Variants in PLGRKT observed in about 807,000 individuals in gnomAD.
PLGRKT encodes the protein plasminogen receptor (KT).
PLGRKT carries 22 observed loss-of-function variants against 18.5 expected under a neutral mutation model. The ratio of observed to expected loss-of-function variants is 1.19; its 90% CI spans 0.85 to 1.70. The LOEUF (loss-of-function observed/expected upper bound fraction) is 1.70. Ranked by LOEUF, PLGRKT falls within the 40% of genes most tolerant of loss-of-function variation. PLGRKT has a pLI of 0.00. For synonymous variants in PLGRKT, 72 were observed against 52.8 expected, an observed-to-expected ratio of 1.36 and a Z score of -1.58; for missense variants, 235 against 174.4, an observed-to-expected ratio of 1.35 and a Z score of -1.96.
In PLGRKT at chr9:5,419,358, G is replaced by C. The variant is rs76073444; in HGVS notation, c.81+12539C>G. Among the ~76,000 whole-genome samples the C allele has an allele frequency of 5.5e-3, 831 of 152,308 alleles. 9 individuals are homozygous for C. Among genetic ancestry groups the C allele is most frequent in the African/African-American group, 0.019 (797 of 41,570 alleles). ...CATCAAGTGGAAATGGTACGTGTTT[G>C]GGAGGCAAGAGCCAGGAAGCACAAT... On this transcript the variant is annotated intron_variant, in intron 3 of 5. Coordinates refer to ENST00000223864, the MANE Select transcript of PLGRKT (RefSeq NM_018465.4).
chr9:5,420,568 T>A (rs1417542428), intron 3 of PLGRKT, among the ~76,000 whole-genome samples: 1 of 151,902 alleles, frequency 6.6e-6, no homozygotes, highest in Non-Finnish European at 1.5e-5. Flanking sequence ...GTCATGCATG[T>A]ACACCCACTC....
chr9:5,418,652 G>A lies in PLGRKT; in HGVS notation c.81+13245C>T, dbSNP rs1228513010. ...CTCATATCTCCGGGCAGCAGCGCGT[G>A]CTCCTTGGAGATGGGCAGGGGCAGC... On this transcript the variant is annotated intron_variant, in intron 3 of 5. Transcript: ENST00000223864. The surrounding 1 kb of genome is among the most constrained non-coding windows in gnomAD (Gnocchi z 4.2). 5.8e-6 allele frequency: 4 copies of A among 686,510 alleles called. No homozygotes were observed. In the Admixed American group the frequency reaches 7.9e-5, roughly 14 times the overall value. 42.5% of individuals were successfully genotyped at this position (686,510 alleles called of 1,614,324 possible). A position where few individuals can be genotyped will look rare whatever the true frequency, so the allele number is the denominator to read the frequency against.
In PLGRKT at chr9:5,410,399, A is replaced by G. The variant is rs143486569; in HGVS notation, c.81+21498T>C. Among the ~76,000 whole-genome samples, 1,235 of 151,734 alleles carry G rather than the reference A, an allele frequency of 8.1e-3. 17 individuals are homozygous for G. The highest frequency in any genetic ancestry group is 0.029 in the African/African-American group (1,194 of 41,380). ...TAAAAAAAAGTTCAAAAATTAGCTG[A>G]CATGCTCACTTGAACCCAGGAGGCA... On this transcript the variant is annotated intron_variant, in intron 3 of 5. Coordinates refer to ENST00000223864, the MANE Select transcript of PLGRKT (RefSeq NM_018465.4).
At chr9:5,419,011 G>C (rs1032841323) in intron 3 of PLGRKT, 5 of 538,138 alleles carry the variant, frequency 9.3e-6, no homozygotes, top group Middle Eastern at 1.2e-3. Flanking sequence ...AGGCCAAGGG[G>C]AAGGGGAGGG....
intron 3 of PLGRKT, among the ~76,000 whole-genome samples, chr9:5,377,185 T>C (rs1420413844): frequency 6.6e-6 from 1 of 152,012 alleles, no homozygotes; most frequent in Non-Finnish European, 1.5e-5. Context: ...GGAAAGTGCT[T>C]AGACACACTG....
chr9:5,396,671 T>A (rs1233077981), intron 3 of PLGRKT, among the ~76,000 whole-genome samples: 4 of 151,976 alleles, frequency 2.6e-5, no homozygotes, highest in Non-Finnish European at 4.4e-5. Flanking sequence ...ACTCTTTATA[T>A]CCAGAAGGCA....
intron 3 of PLGRKT, among the ~76,000 whole-genome samples, chr9:5,412,826 G>C (rs1486102210): frequency 6.6e-6 from 1 of 152,034 alleles, no homozygotes; most frequent in Non-Finnish European, 1.5e-5. Flanking sequence ...CCGTAAACAA[G>C]TGACAATCTG....
intron 3 of PLGRKT, among the ~76,000 whole-genome samples, chr9:5,413,956 G>C (rs550931320): frequency 1.3e-4 from 20 of 152,226 alleles, no homozygotes; most frequent in African/African-American, 4.8e-4. Context: ...TCAATGATAT[G>C]CTACCCTTCA....
chr9:5,424,420 AAT>A (rs1818640729), intron 3 of PLGRKT, among the ~76,000 whole-genome samples: 3 of 120,796 alleles, frequency 2.5e-5, no homozygotes, highest in Non-Finnish European at 5.2e-5. Context: ...ATTAACATAT[AAT>A]ATATAACATA....
At chr9:5,362,528 G>A (rs544514004) in intron 3 of PLGRKT, among the ~76,000 whole-genome samples, 3 of 152,204 alleles carry the variant, frequency 2.0e-5, no homozygotes, top group Non-Finnish European at 4.4e-5. Flanking sequence ...AGAAGCAACT[G>A]TCTGTAAACC....
intron 2 of PLGRKT, among the ~76,000 whole-genome samples, chr9:5,433,437 G>C (rs1586750239): frequency 6.7e-6 from 1 of 150,304 alleles, no homozygotes. Context: ...TGGGAAGTGA[G>C]GAGTGCCTCT....
intron 3 of PLGRKT, among the ~76,000 whole-genome samples, chr9:5,402,498 A>C (rs539441494): frequency 2.8e-4 from 43 of 151,940 alleles, no homozygotes; most frequent in African/African-American, 1.0e-3. Flanking sequence ...ACCTAAACTC[A>C]CTGTCTCCCT....
chr9:5,403,852 C>T (rs1017998347), intron 3 of PLGRKT, among the ~76,000 whole-genome samples: 3 of 152,174 alleles, frequency 2.0e-5, no homozygotes, highest in Non-Finnish European at 4.4e-5. Context: ...TCTATGGCCT[C>T]TGCCTGTTCA....
chr9:5,385,394 C>G (rs745384556), intron 3 of PLGRKT, among the ~76,000 whole-genome samples: 3 of 151,684 alleles, frequency 2.0e-5, no homozygotes, highest in African/African-American at 7.3e-5. Context: ...GACATGGTTT[C>G]ACTGTGTTAG....
Position 5,418,646 on chromosome 9 carries a change from G to A in PLGRKT, c.81+13251C>T, listed in dbSNP as rs1719560714. 1.4e-6 allele frequency: 1 copy of A among 691,134 alleles called. No homozygotes were observed. Among genetic ancestry groups the A allele is most frequent in the South Asian group, 1.5e-5 (1 of 65,258 alleles). The allele number at this position is 691,134 out of a possible 1,614,324, so 42.8% of individuals were successfully genotyped here. ...TGGCGGCTCATATCTCCGGGCAGCA[G>A]CGCGTGCTCCTTGGAGATGGGCAGG... On this transcript the variant is annotated intron_variant, in intron 3 of 5. Transcript: ENST00000223864. The surrounding 1 kb of genome is among the most constrained non-coding windows in gnomAD (Gnocchi z 4.2).
At chr9:5,365,685 G>C (rs1026427657) in intron 3 of PLGRKT, among the ~76,000 whole-genome samples, 1 of 152,190 alleles carries the variant, frequency 6.6e-6, no homozygotes, top group Admixed American at 6.5e-5. Flanking sequence ...GTATTGAATA[G>C]TAATGGATCA....
chr9:5,435,595 T>C (rs1191250082), intron 2 of PLGRKT, among the ~76,000 whole-genome samples: 3 of 152,258 alleles, frequency 2.0e-5, no homozygotes, highest in South Asian at 2.1e-4. Context: ...GTCTATCTTA[T>C]GTAAGTTTTT....
At chr9:5,366,499 G>A (rs1234192523) in intron 3 of PLGRKT, among the ~76,000 whole-genome samples, 1 of 152,064 alleles carries the variant, frequency 6.6e-6, no homozygotes, top group Non-Finnish European at 1.5e-5. Flanking sequence ...GATTTTACAG[G>A]CTTATCTGAT....
At chr9:5,390,917 A>G (rs904912248) in intron 3 of PLGRKT, among the ~76,000 whole-genome samples, 1 of 151,882 alleles carries the variant, frequency 6.6e-6, no homozygotes, top group Non-Finnish European at 1.5e-5. Context: ...ATAATTCTCA[A>G]TTGTCAGAAA....
Sources: gnomAD v4.1 joint callset for allele counts (sites outside exome capture counted in the v4.1 genomes callset) on GRCh38, gnomAD v4.1.1 for gene constraint, Gnocchi (gnomAD v3.1) non-coding constraint, MANE v1.5 for transcripts, NCBI Gene and HGNC (gene_info 2026-07-23, HGNC 2026-07-21) for gene names.